Variants in FHIT observed in about 807,000 individuals in gnomAD.
FHIT encodes bis(5'-adenosyl)-triphosphatase.
In FHIT, 19 loss-of-function variants were observed where a neutral mutation model predicts 17.9. The ratio of observed to expected loss-of-function variants is 1.06; its 90% CI spans 0.74 to 1.56. The LOEUF (loss-of-function observed/expected upper bound fraction) is 1.56, where lower values mean the gene tolerates loss of function less well. FHIT is among the 40% of genes most tolerant of loss of function. The pLI is 0.00. For missense variants in FHIT, 248 were observed against 189.2 expected, an observed-to-expected ratio of 1.31 and a Z score of -1.82; for synonymous variants, 81 against 69.7, an observed-to-expected ratio of 1.16 and a Z score of -0.81.
chr3:60,315,435 T>C (rs1709121464), intron 5 of FHIT, among the ~76,000 whole-genome samples: 4 of 152,136 alleles, frequency 2.6e-5, no homozygotes, highest in Admixed American at 2.6e-4. Context: ...GACATTTCCC[T>C]CAATAAACAT....
intron 5 of FHIT, among the ~76,000 whole-genome samples, chr3:60,497,144 T>C (rs2034333044): frequency 1.3e-5 from 2 of 151,902 alleles, no homozygotes; most frequent in Admixed American, 6.6e-5. Flanking sequence ...ATCTGGTCGG[T>C]ACAGGTAGAG....
rs372065718 is a variant in FHIT, at chr3:61,153,142, CAA to C, written c.-164+47473_-164+47474del. 1.1e-3 allele frequency among the ~76,000 whole-genome samples: 84 copies of C among 78,390 alleles called. 1 individual carries two copies. Among genetic ancestry groups the C allele is most frequent in the African/African-American group, 2.8e-3 (69 of 24,602 alleles). 51.4% of individuals were successfully genotyped at this position (78,390 alleles called of 152,430 possible). ...TGGGTGCCAGAGCAAGACTCCATCT[CAA>C]AAAAAAAAAAAAAAAAAGACAATAG... On this transcript the variant is annotated intron_variant, in intron 2 of 9. Transcript: ENST00000492590.
intron 8 of FHIT, among the ~76,000 whole-genome samples, chr3:59,893,094 T>A (rs1703924021): frequency 6.6e-6 from 1 of 152,256 alleles, no homozygotes; most frequent in African/African-American, 2.4e-5. Flanking sequence ...AATATTATTA[T>A]CTTTATGCTG....
At chr3:61,144,797 T>A (rs1260843681) in intron 2 of FHIT, among the ~76,000 whole-genome samples, 2 of 152,228 alleles carry the variant, frequency 1.3e-5, no homozygotes, top group Non-Finnish European at 2.9e-5. Flanking sequence ...TCCCTAGTAA[T>A]GAGTGATACT....
chr3:59,902,717 C>A (rs548178343), intron 8 of FHIT, among the ~76,000 whole-genome samples: 1 of 152,150 alleles, frequency 6.6e-6, no homozygotes, highest in Non-Finnish European at 1.5e-5. Context: ...ACTGCATGAT[C>A]TTACTTAGAT....
chr3:60,196,637 C>T (rs150204194), intron 5 of FHIT, among the ~76,000 whole-genome samples: 52 of 152,058 alleles, frequency 3.4e-4, no homozygotes, highest in Middle Eastern at 6.8e-3. Context: ...GACCACACAC[C>T]CGCCCTAAGT....
intron 8 of FHIT, among the ~76,000 whole-genome samples, chr3:59,833,131 A>G (rs1333796382): frequency 6.6e-6 from 1 of 152,208 alleles, no homozygotes. Flanking sequence ...ACACTGGGGT[A>G]TAAATCATTG....
rs140596911 is a variant in FHIT at position 60,217,291 on chromosome 3, T to C, written c.104-203139A>G. Among the ~76,000 whole-genome samples, 441 of 152,280 alleles carry C rather than the reference T, an allele frequency of 2.9e-3. 1 individual carries two copies. Among genetic ancestry groups the C allele is most frequent in the African/African-American group, 1.0e-2 (414 of 41,562 alleles). ...TTTACTAGATTTAAGAACAAAAACA[T>C]GTGTGTTAGATGAAGACAGATGAGT... On this transcript the variant is annotated intron_variant, in intron 5 of 9. Transcript: ENST00000492590.
rs1050976795 is a variant in FHIT, at chr3:60,624,317, A to G, written c.-17-87338T>C. 2.0e-5 allele frequency among the ~76,000 whole-genome samples: 3 copies of G among 152,194 alleles called. No homozygotes were observed. In the South Asian group the frequency reaches 6.2e-4, roughly 32 times the overall value. On this transcript the variant is annotated intron_variant, in intron 4 of 9. Transcript: ENST00000492590. Reference sequence around the variant, plus strand: ...TGAGCAGCTTGGGCTTCAACTTGACAATGATGAACACATATTTGGCAAGAT... The same window carrying G: ...TGAGCAGCTTGGGCTTCAACTTGACGATGATGAACACATATTTGGCAAGAT...
At position 60,576,625 on chromosome 3, in the gene FHIT, C is replaced by T. The variant is rs373925156; in HGVS notation, c.-17-39646G>A. Among the ~76,000 whole-genome samples, 91 of 152,134 alleles carry T rather than the reference C, an allele frequency of 6.0e-4. 1 individual carries two copies. The East Asian group carries it at 6.0e-3, about 10-fold the overall frequency. On this transcript the variant is annotated intron_variant, in intron 4 of 9. Transcript: ENST00000492590. ...CAATTTATTTCAATTGGGAGTGAAG[C>T]ATAAATGAAAAGTTCCTATTTCAGA... is the stretch of plus-strand genomic sequence containing the variant.
intron 5 of FHIT, among the ~76,000 whole-genome samples, chr3:60,300,479 T>C (rs1209490382): frequency 6.6e-6 from 1 of 152,128 alleles, no homozygotes; most frequent in Non-Finnish European, 1.5e-5. Context: ...TCTCTAAATA[T>C]CACTTAAATA....
chr3:60,152,383 T>G (rs1303265885), intron 5 of FHIT, among the ~76,000 whole-genome samples: 1 of 152,222 alleles, frequency 6.6e-6, no homozygotes, highest in Non-Finnish European at 1.5e-5. Flanking sequence ...ATTACTAATG[T>G]GATGCACTAA....
chr3:60,311,205 CTTT>C, intron 5 of FHIT, among the ~76,000 whole-genome samples: 1 of 151,900 alleles, frequency 6.6e-6, no homozygotes, highest in African/African-American at 2.4e-5. Context: ...TTTCTGTTTT[CTTT>C]TTTAACAGTA....
chr3:60,789,084 G>A (rs1049491841), intron 4 of FHIT, among the ~76,000 whole-genome samples: 1 of 150,862 alleles, frequency 6.6e-6, no homozygotes, highest in Non-Finnish European at 1.5e-5. Context: ...CATATATAGA[G>A]AGAGAGATGA....
chr3:60,794,537 G>A (rs565148291), intron 4 of FHIT, among the ~76,000 whole-genome samples: 1 of 152,248 alleles, frequency 6.6e-6, no homozygotes, highest in South Asian at 2.1e-4. Context: ...TAGATATATA[G>A]CTATTTATGG....
intron 5 of FHIT, among the ~76,000 whole-genome samples, chr3:60,213,994 G>A (rs116728956): frequency 1.4e-3 from 215 of 152,216 alleles, no homozygotes; most frequent in African/African-American, 4.8e-3. Context: ...TCCTGCAACC[G>A]TGGTGTGTGG....
intron 5 of FHIT, among the ~76,000 whole-genome samples, chr3:60,351,260 G>A (rs781150855): frequency 2.0e-5 from 3 of 152,174 alleles, no homozygotes; most frequent in Non-Finnish European, 4.4e-5. Context: ...ACATTGTTTA[G>A]TTTGACTGAT....
At chr3:59,897,221 T>G (rs150896576) in intron 8 of FHIT, among the ~76,000 whole-genome samples, 1,994 of 152,340 alleles carry the variant, frequency 0.013, 53 homozygotes, top group African/African-American at 0.045. Context: ...TGCTTCTGTA[T>G]CGAGAAACTG....
At chr3:61,053,340 T>C (rs1280282636) in intron 2 of FHIT, among the ~76,000 whole-genome samples, 1 of 151,970 alleles carries the variant, frequency 6.6e-6, no homozygotes, top group Non-Finnish European at 1.5e-5. Context: ...GGAGAAGAAG[T>C]TAATGATTCT....
Sources: gnomAD v4.1 joint callset for allele counts (sites outside exome capture counted in the v4.1 genomes callset) on GRCh38, gnomAD v4.1.1 for gene constraint, MANE v1.5 for transcripts, NCBI Gene and HGNC (gene_info 2026-07-23, HGNC 2026-07-21) for gene names.